The following COBL variants were observed in gnomAD, a reference collection of about 807,000 sequenced individuals.
COBL encodes the protein cordon-bleu WH2 repeat protein, also known as protein cordon-bleu.
In COBL, 51 loss-of-function variants were observed where a neutral mutation model predicts 98.8. That is an observed-to-expected ratio of 0.52 (90% confidence interval 0.41 to 0.65). The LOEUF is 0.65. Ranked by LOEUF, COBL falls within the 30% of genes least tolerant of loss-of-function variation. COBL has a pLI of 0.00. For missense variants in COBL, 1,617 were observed against 1,617.5 expected (o/e 1.00, Z 0.01); for synonymous variants, 634 against 651.7 (o/e 0.97, Z 0.41).
chr7:51,207,740 T>C (rs977936513), intron 2 of COBL, among the ~76,000 whole-genome samples: 10 of 152,260 alleles, frequency 6.6e-5, no homozygotes, highest in African/African-American at 2.2e-4. Context: ...TGCTCAATGG[T>C]GCCCAGGCTG....
intron 1 of COBL, among the ~76,000 whole-genome samples, chr7:51,289,448 A>C (rs1800686808): frequency 6.6e-6 from 1 of 152,146 alleles, no homozygotes; most frequent in Admixed American, 6.5e-5. Flanking sequence ...TGTTTTCTAA[A>C]ACAGGAGCTT....
chr7:51,276,751 A>G (rs936801788), intron 1 of COBL, among the ~76,000 whole-genome samples: 4 of 152,170 alleles, frequency 2.6e-5, no homozygotes, highest in Admixed American at 6.5e-5. Context: ...GCAGGTAAGA[A>G]GGAAGACACC....
intron 1 of COBL, among the ~76,000 whole-genome samples, chr7:51,221,033 A>G (rs756163722): frequency 7.2e-5 from 11 of 152,174 alleles, no homozygotes; most frequent in Non-Finnish European, 1.5e-4. Context: ...GATACTTAAC[A>G]TCCACTAGGA....
chr7:51,248,360 A>G (rs1021054906), intron 1 of COBL, among the ~76,000 whole-genome samples: 2 of 152,186 alleles, frequency 1.3e-5, no homozygotes, highest in South Asian at 4.1e-4. Context: ...AGAGAAGAAC[A>G]GCAAAATGTC....
chr7:51,058,759 G>A (rs909802935), intron 7 of COBL, among the ~76,000 whole-genome samples: 1 of 152,232 alleles, frequency 6.6e-6, no homozygotes, highest in Admixed American at 6.5e-5. Context: ...GCCTGACAGA[G>A]CATGGACAGC....
At chr7:51,251,726 G>A (rs905359612) in intron 1 of COBL, among the ~76,000 whole-genome samples, 85 of 152,122 alleles carry the variant, frequency 5.6e-4, no homozygotes, top group African/African-American at 2.0e-3. Context: ...ACCAATATCT[G>A]TCAGATTGAA....
intron 7 of COBL, among the ~76,000 whole-genome samples, chr7:51,084,194 T>C (rs1793968600): frequency 6.6e-6 from 1 of 152,142 alleles, no homozygotes; most frequent in African/African-American, 2.4e-5. Context: ...GCTGACAAAC[T>C]GCCACGGAGC....
intron 1 of COBL, among the ~76,000 whole-genome samples, chr7:51,287,561 A>T (rs1800486123): frequency 6.6e-6 from 1 of 152,200 alleles, no homozygotes; most frequent in Admixed American, 6.5e-5. Flanking sequence ...ACTCTGGGAA[A>T]CCATTTGGCA....
intron 6 of COBL, among the ~76,000 whole-genome samples, chr7:51,107,092 GT>G (rs1160414563): frequency 0.022 from 1,406 of 63,346 alleles, 11 homozygotes; most frequent in African/African-American, 0.058. Context: ...TAGTTTGTTT[GT>G]TTTTTTTTTT....
intron 1 of COBL, among the ~76,000 whole-genome samples, chr7:51,273,942 T>C (rs1799035115): frequency 1.3e-5 from 2 of 152,292 alleles, no homozygotes; most frequent in Admixed American, 6.5e-5. Flanking sequence ...CAACTCCCCC[T>C]GTAGCAGTTG....
At chr7:51,195,254 A>C (rs562018058) in intron 2 of COBL, among the ~76,000 whole-genome samples, 1 of 152,262 alleles carries the variant, frequency 6.6e-6, no homozygotes, top group African/African-American at 2.4e-5. Context: ...TTCTCCCAGC[A>C]CCATTTATTG....
At chr7:51,078,472 G>A (rs1421428419) in intron 7 of COBL, among the ~76,000 whole-genome samples, 2 of 152,184 alleles carry the variant, frequency 1.3e-5, no homozygotes, top group South Asian at 2.1e-4. Context: ...AATACTGAAT[G>A]CTACTCCACT....
At chr7:51,140,266 G>A (rs765257652) in intron 5 of COBL, among the ~76,000 whole-genome samples, 2 of 151,924 alleles carry the variant, frequency 1.3e-5, no homozygotes, top group African/African-American at 2.4e-5. Flanking sequence ...ATGGATAGTC[G>A]AATTCAATGG....
rs1415349687 is a variant in COBL at position 51,021,960 on chromosome 7, G to A, written c.3768+3149C>T. Among the ~76,000 whole-genome samples, 3 of 152,200 alleles carry A rather than the reference G, an allele frequency of 2.0e-5. No individual in the cohort carries two copies. The East Asian group carries it at 5.8e-4, about 29-fold the overall frequency. On this transcript the variant is annotated intron_variant, in intron 12 of 12. Transcript: ENST00000265136. ...CCAGGTGAGGCCACCTTGGCCCCCT[G>A]CACCTGAGTCTCCCTGATGAATGCT...
chr7:51,083,511 C>T (rs1793885913), intron 7 of COBL, among the ~76,000 whole-genome samples: 1 of 152,222 alleles, frequency 6.6e-6, no homozygotes, highest in Non-Finnish European at 1.5e-5. Context: ...ACAGACACAA[C>T]TACATAAATG....
At chr7:51,234,520 G>A (rs1795053594) in intron 1 of COBL, among the ~76,000 whole-genome samples, 1 of 152,148 alleles carries the variant, frequency 6.6e-6, no homozygotes. Flanking sequence ...GGGCAACACA[G>A]AAAAACCCCC....
chr7:51,315,664 A>G (rs534852851), intron 1 of COBL, among the ~76,000 whole-genome samples: 1 of 152,274 alleles, frequency 6.6e-6, no homozygotes, highest in South Asian at 2.1e-4. Flanking sequence ...AAAACTACAA[A>G]GTCCACCGGG....
chr7:51,311,127 G>T (rs555794709), intron 1 of COBL, among the ~76,000 whole-genome samples: 23 of 152,272 alleles, frequency 1.5e-4, no homozygotes, highest in African/African-American at 5.3e-4. Flanking sequence ...ATGTATCCAA[G>T]AAAAATATAC....
intron 7 of COBL, among the ~76,000 whole-genome samples, chr7:51,053,793 C>T (rs1790462825): frequency 6.6e-6 from 1 of 152,248 alleles, no homozygotes; most frequent in South Asian, 2.1e-4. Context: ...TCCTCCTTCC[C>T]TTGTACCTAA....
Sources: gnomAD v4.1 joint callset for allele counts (sites outside exome capture counted in the v4.1 genomes callset) on GRCh38, gnomAD v4.1.1 for gene constraint, MANE v1.5 for transcripts, NCBI Gene and HGNC (gene_info 2026-07-23, HGNC 2026-07-21) for gene names.